SAMD12: variants seen among roughly 807,000 people sequenced by gnomAD.
SAMD12 encodes the protein sterile alpha motif domain-containing protein 12.
Under a neutral mutation model 15.0 loss-of-function variants are expected in SAMD12, and 9 were observed. The ratio of observed to expected loss-of-function variants is 0.60; its 90% confidence interval spans 0.36 to 1.05. The LOEUF is 1.05. Among genes scored for constraint, SAMD12 ranks in the 50% least tolerant of loss-of-function variants. The pLI is 0.01. For synonymous variants in SAMD12, 86 were observed against 90.1 expected, an observed-to-expected ratio of 0.96 and a Z score of 0.25; for missense variants, 230 against 234.2, an observed-to-expected ratio of 0.98 and a Z score of 0.12.
At chr8:118,283,771 G>A (rs1184396539) in intron 4 of SAMD12, among the ~76,000 whole-genome samples, 2 of 152,164 alleles carry the variant, frequency 1.3e-5, no homozygotes, top group Non-Finnish European at 2.9e-5. Flanking sequence ...ACTTTAAAGA[G>A]CAAATGTATG....
intron 4 of SAMD12, among the ~76,000 whole-genome samples, chr8:118,295,221 TTTG>T (rs1814641912): frequency 6.6e-6 from 1 of 152,216 alleles, no homozygotes; most frequent in African/African-American, 2.4e-5. Context: ...AAATTATTGC[TTTG>T]TTGTTTGAGC....
chr8:118,475,425 G>T (rs1563882951), intron 2 of SAMD12, among the ~76,000 whole-genome samples: 2 of 152,098 alleles, frequency 1.3e-5, no homozygotes, highest in Non-Finnish European at 2.9e-5. Flanking sequence ...GCAGAACTGT[G>T]AGCCAAATAA....
chr8:118,150,450 A>G, the SAMD12 span, among the ~76,000 whole-genome samples: 1 of 152,104 alleles, frequency 6.6e-6, no homozygotes, highest in African/African-American at 2.4e-5. Flanking sequence ...GTACAGTCAC[A>G]TCTCACTGCA....
At chr8:118,262,710 T>G (rs1813107673) in intron 4 of SAMD12, among the ~76,000 whole-genome samples, 1 of 152,094 alleles carries the variant, frequency 6.6e-6, no homozygotes, top group Non-Finnish European at 1.5e-5. Context: ...CTTCTCCTTA[T>G]GTCTTCCTGG....
the SAMD12 span, among the ~76,000 whole-genome samples, chr8:118,146,034 C>T: frequency 6.6e-6 from 1 of 152,152 alleles, no homozygotes; most frequent in Admixed American, 6.5e-5. Context: ...GGATGAAGGC[C>T]AATAAACAGG....
intron 2 of SAMD12, among the ~76,000 whole-genome samples, chr8:118,536,004 T>C (rs955784880): frequency 7.9e-5 from 12 of 152,270 alleles, no homozygotes; most frequent in African/African-American, 2.6e-4. Context: ...AGTACCTCAG[T>C]TGGAAATGCA....
downstream of SAMD12, chr8:118,377,851 A>C (rs917054100): frequency 6.6e-6 from 1 of 152,218 alleles, no homozygotes; most frequent in Non-Finnish European, 1.5e-5. Flanking sequence ...ACCAGACACT[A>C]AACAGAAGCT....
chr8:118,254,452 G>T (rs1812887643), intron 4 of SAMD12, among the ~76,000 whole-genome samples: 1 of 152,134 alleles, frequency 6.6e-6, no homozygotes, highest in African/African-American at 2.4e-5. Flanking sequence ...AGCTATGCTG[G>T]AAGTGATCTT....
At chr8:118,154,492 A>C in the SAMD12 span, among the ~76,000 whole-genome samples, 27 of 152,352 alleles carry the variant, frequency 1.8e-4, 1 homozygote, top group African/African-American at 6.5e-4. Context: ...GATCTCACAA[A>C]AATGTGCATG....
chr8:118,408,198 G>A (rs1821226885), intron 3 of SAMD12, among the ~76,000 whole-genome samples: 1 of 152,044 alleles, frequency 6.6e-6, no homozygotes, highest in South Asian at 2.1e-4. Flanking sequence ...AGTGCCCCTT[G>A]TATACATGCT....
At chr8:118,581,017 G>T in intron 1 of SAMD12, 124 bp from the exon 2 acceptor site, 1 of 631,560 alleles carries the variant, frequency 1.6e-6, no homozygotes, top group Middle Eastern at 2.5e-4. Flanking sequence ...GAGGTGGTGT[G>T]ATTACTACGA....
the SAMD12 span, among the ~76,000 whole-genome samples, chr8:118,175,696 C>G: frequency 6.6e-6 from 1 of 152,172 alleles, no homozygotes; most frequent in African/African-American, 2.4e-5. Context: ...AAAGACACTT[C>G]TCAAAAGAAG....
chr8:118,613,820 T>C (rs991044539), intron 1 of SAMD12, among the ~76,000 whole-genome samples: 2 of 152,194 alleles, frequency 1.3e-5, no homozygotes, highest in African/African-American at 4.8e-5. Flanking sequence ...GGATGGGTGA[T>C]GATCAGACAA....
intron 3 of SAMD12, among the ~76,000 whole-genome samples, chr8:118,425,521 C>T (rs1234471249): frequency 6.6e-6 from 1 of 152,020 alleles, no homozygotes; most frequent in East Asian, 1.9e-4. Flanking sequence ...CCTACCCTGT[C>T]TAAGAAAGAA....
chr8:118,501,769 C>T (rs1449828134), intron 2 of SAMD12, among the ~76,000 whole-genome samples: 1 of 152,204 alleles, frequency 6.6e-6, no homozygotes, highest in African/African-American at 2.4e-5. Context: ...GTAATCCCAG[C>T]ACTTTGGGAA....
chr8:118,460,685 G>A (rs1329115292), intron 2 of SAMD12, among the ~76,000 whole-genome samples: 2 of 152,146 alleles, frequency 1.3e-5, no homozygotes, highest in African/African-American at 4.8e-5. Context: ...TTACTGGAGG[G>A]AGAAGTGCAG....
At chr8:118,198,904 A>C (rs1167732625) in intron 4 of SAMD12, among the ~76,000 whole-genome samples, 1 of 152,020 alleles carries the variant, frequency 6.6e-6, no homozygotes, top group African/African-American at 2.4e-5. Context: ...TAAAAAAAAG[A>C]AAGAAGCTAT....
intron 3 of SAMD12, among the ~76,000 whole-genome samples, chr8:118,426,085 AT>A (rs1822226559): frequency 6.6e-6 from 1 of 152,208 alleles, no homozygotes; most frequent in African/African-American, 2.4e-5. Flanking sequence ...TTTCACAGCA[AT>A]GGGATACAGT....
intron 4 of SAMD12, among the ~76,000 whole-genome samples, chr8:118,286,830 C>T (rs1814052924): frequency 6.6e-6 from 1 of 152,138 alleles, no homozygotes; most frequent in Non-Finnish European, 1.5e-5. Flanking sequence ...ACAGCATCTA[C>T]ATTTAGAATC....
Sources: gnomAD v4.1 joint callset for allele counts (sites outside exome capture counted in the v4.1 genomes callset) on GRCh38, gnomAD v4.1.1 for gene constraint, MANE v1.5 for transcripts, NCBI Gene and HGNC (gene_info 2026-07-23, HGNC 2026-07-21) for gene names.